Variants in CLCN4 observed in about 807,000 individuals in gnomAD.
CLCN4 encodes the protein Cl-/H+ antiporter 4, also known as H(+)/Cl(-) exchange transporter 4.
A neutral mutation model predicts 41.7 loss-of-function variants in CLCN4; 1 was observed. The observed-to-expected ratio is 0.02, with a 90% CI of 0.01 to 0.11. CLCN4 has a LOEUF of 0.11. CLCN4 is among the 10% of genes least tolerant of loss of function. CLCN4 has a pLI of 1.00. For synonymous variants in CLCN4, 277 were observed against 285.8 expected (o/e 0.97, Z 0.31); for missense variants, 287 against 661.0 (o/e 0.43, Z 6.20).
chrX:10,208,533 G>A lies in CLCN4; in HGVS notation c.1332G>A (p.Gln444=), dbSNP rs1924455996. ...AGVGVYTAMW[Q]LALALIFKIV... ...TCGGTGTTTACACGGCCATGTGGCA[G>A]CTGGCCCTGGCACTGATCTTCAAAA... Residue 444 remains glutamine (Q), a synonymous_variant, in exon 9 of 13, where the codon CAG becomes CAA. Transcript: ENST00000380833. 4 of 1,210,875 alleles carry A rather than the reference G, an allele frequency of 3.3e-6. No homozygotes were observed. The highest frequency in any genetic ancestry group is 3.4e-6 in the Non-Finnish European group (3 of 895,295).
At chrX:10,205,472 CAAAAAAAAAA>C (rs758694004) in intron 6 of CLCN4, among the ~76,000 whole-genome samples, 1 of 53,006 alleles carries the variant, frequency 1.9e-5, no homozygotes, top group Non-Finnish European at 3.5e-5. Context: ...GACTCCATCT[CAAAAAAAAAA>C]AAAAAAAAGA....
At chrX:10,222,396 T>G (rs989736643) in intron 12 of CLCN4, among the ~76,000 whole-genome samples, 1 of 111,625 alleles carries the variant, frequency 9.0e-6, no homozygotes, top group African/African-American at 3.3e-5. Flanking sequence ...CTGGAGACAT[T>G]GGTACCTAAT....
At chrX:10,198,283 T>G (rs903972301) in intron 6 of CLCN4, among the ~76,000 whole-genome samples, 2 of 112,346 alleles carry the variant, frequency 1.8e-5, no homozygotes, top group African/African-American at 6.5e-5. Flanking sequence ...TGGTAAGCTG[T>G]GAGTTGAACC....
intron 12 of CLCN4, among the ~76,000 whole-genome samples, chrX:10,224,293 C>CGT (rs772983564): frequency 0.22 from 19,500 of 87,636 alleles, 2,032 homozygotes; most frequent in Non-Finnish European, 0.3. Flanking sequence ...GGGAGGGTTC[C>CGT]GTGTGTGTGT....
At chrX:10,183,224 G>T (rs1345277527) in intron 2 of CLCN4, among the ~76,000 whole-genome samples, 1 of 111,874 alleles carries the variant, frequency 8.9e-6, no homozygotes, top group African/African-American at 3.3e-5. Context: ...CACTCATCAG[G>T]GGGTATTATT....
At position 10,213,930 on chromosome X, in the gene CLCN4, T is replaced by C. The variant is rs1234999585; in HGVS notation, c.1826T>C (p.Leu609Pro). The change falls in exon 11 of 13, where the codon CTG (leucine) becomes CCG (proline). Residue 609 changes from leucine (L) to proline (P), a missense_variant. Physicochemically the swap from Leu to Pro is moderately conservative, Grantham distance 98. Around this residue, in one of 6 missense-constraint regions of CLCN4, gnomAD observed 71 missense variants for 104.5 expected, o/e 0.68. Coordinates refer to ENST00000380833, the MANE Select transcript of CLCN4 (RefSeq NM_001830.4). ...VMRPRRGEPPLSVLTQDSMTV... is the reference protein window; with the variant it reads ...VMRPRRGEPPPSVLTQDSMTV... ...CGGCCCCGGCGGGGAGAGCCGCCAC[T>C]GTCGGTGCTCACCCAGGACAGCATG... The C allele has an allele frequency of 8.3e-7, 1 of 1,210,793 alleles. No homozygotes were observed. Among genetic ancestry groups the C allele is most frequent in the Non-Finnish European group, 1.1e-6 (1 of 895,359 alleles).
chrX:10,186,988 T>C (rs992022978), intron 3 of CLCN4, among the ~76,000 whole-genome samples: 1 of 111,660 alleles, frequency 9.0e-6, no homozygotes, highest in Non-Finnish European at 1.9e-5. Context: ...CAGAGGAGCA[T>C]AGGATTCTGT....
At chrX:10,206,930 T>C (rs1480741529) in intron 8 of CLCN4, among the ~76,000 whole-genome samples, 154 bp downstream of exon 8, 1 of 110,177 alleles carries the variant, frequency 9.1e-6, no homozygotes, top group Non-Finnish European at 1.9e-5. Context: ...TTTGTTTTTG[T>C]TTTTTTTGAG....
chrX:10,224,092 G>T (rs958037749), intron 12 of CLCN4, among the ~76,000 whole-genome samples: 13 of 111,201 alleles, frequency 1.2e-4, no homozygotes, highest in Non-Finnish European at 1.9e-4. Flanking sequence ...CGCGGGCCAG[G>T]GCACAATTTA....
At chrX:10,196,499 G>A (rs1308182517) in intron 5 of CLCN4, among the ~76,000 whole-genome samples, 1 of 106,285 alleles carries the variant, frequency 9.4e-6, no homozygotes, top group Non-Finnish European at 1.9e-5. Flanking sequence ...AATCTTTCAA[G>A]GTATATGTAA....
At chrX:10,165,133 T>G (rs754041359) in intron 2 of CLCN4, among the ~76,000 whole-genome samples, 1 of 113,238 alleles carries the variant, frequency 8.8e-6, no homozygotes, top group Non-Finnish European at 1.9e-5. Flanking sequence ...CCCTGCCTGC[T>G]GGCTTGCCAT....
chrX:10,197,595 C>T (rs867572773), intron 5 of CLCN4, among the ~76,000 whole-genome samples: 3 of 111,480 alleles, frequency 2.7e-5, no homozygotes, highest in African/African-American at 6.5e-5. Context: ...GCCAGGGTCT[C>T]GGAGGCAGGA....
chrX:10,205,291 G>T (rs1924349831), intron 6 of CLCN4, among the ~76,000 whole-genome samples: 1 of 110,121 alleles, frequency 9.1e-6, no homozygotes. Flanking sequence ...GGCTAACAGG[G>T]TGAAACCCCA....
intron 5 of CLCN4, among the ~76,000 whole-genome samples, chrX:10,197,305 C>T (rs1009239639): frequency 8.9e-6 from 1 of 111,923 alleles, no homozygotes; most frequent in South Asian, 3.8e-4. Context: ...AATGTTAGTG[C>T]GCATAGAACC....
chrX:10,208,240 A>G lies in CLCN4; in HGVS notation c.1039A>G (p.Thr347Ala). The change falls in exon 9 of 13, where the codon ACC becomes GCC. Residue 347 changes from threonine to alanine, a missense_variant. Coordinates refer to ENST00000380833, the MANE Select transcript of CLCN4 (RefSeq NM_001830.4). Reference protein sequence around the residue: ...LLGVFGGLWGTLFIRCNIAWC... With the variant: ...LLGVFGGLWGALFIRCNIAWC... Reference sequence around the variant, plus strand: ...TGGGGTCTTCGGGGGCTTGTGGGGAACCCTCTTCATCCGCTGCAACATCGC... The same window carrying G: ...TGGGGTCTTCGGGGGCTTGTGGGGAGCCCTCTTCATCCGCTGCAACATCGC... 8.3e-7 allele frequency: 1 copy of G among 1,209,754 alleles called. No individual in the cohort carries two copies. The highest frequency in any genetic ancestry group is 1.1e-6 in the Non-Finnish European group (1 of 894,978).
chrX:10,234,188 T>A lies in CLCN4; in HGVS notation c.*604T>A, dbSNP rs1184449979. The A allele has an allele frequency of 8.9e-6, 1 of 112,855 alleles. No individual in the cohort carries two copies. Among genetic ancestry groups the A allele is most frequent in the African/African-American group, 3.2e-5 (1 of 30,948 alleles). 9.3% of individuals were successfully genotyped at this position (112,855 alleles called of 1,213,427 possible). ...TCCTGTTCTCAGCCTGTTATCTGGC[T>A]TATCCATCAGTTTCTGAACCAACAT... On this transcript the variant is annotated 3_prime_UTR_variant, in exon 13 of 13. Transcript: ENST00000380833.
chrX:10,187,365 C>G, intron 3 of CLCN4, 150 bp from the exon 4 acceptor site: 1 of 462,769 alleles, frequency 2.2e-6, no homozygotes, highest in Admixed American at 3.3e-5. Context: ...CGGCACATAA[C>G]TGAAAGAATC....
In CLCN4 at chrX:10,187,343, G is replaced by A. The variant is rs2073939; in HGVS notation, c.145-172G>A. 0.27 allele frequency among the ~76,000 whole-genome samples: 29,759 copies of A among 111,195 alleles called. 3,201 individuals are homozygous for A. The highest frequency in any genetic ancestry group is 0.4 in the African/African-American group (12,159 of 30,503). On this transcript the variant is annotated intron_variant, in intron 3 of 12. Transcript: ENST00000380833. ...TATAGCTCTGTGAACTAGAAAGCTC[G>A]TCGTACCGTTGCGGCACATAACTGA...
intron 2 of CLCN4, among the ~76,000 whole-genome samples, chrX:10,168,433 T>C (rs1313269634): frequency 8.9e-6 from 1 of 112,254 alleles, no homozygotes; most frequent in Non-Finnish European, 1.9e-5. Context: ...GCTTTCAGAC[T>C]TCTGACCTCA....
Sources: gnomAD v4.1 joint callset for allele counts (sites outside exome capture counted in the v4.1 genomes callset) on GRCh38, gnomAD v4.1.1 for gene constraint, gnomAD v4.1.1 regional missense constraint, MANE v1.5 for transcripts, NCBI Gene and HGNC (gene_info 2026-07-23, HGNC 2026-07-21) for gene names.